The following TERT variants were observed in gnomAD, a reference collection of about 807,000 sequenced individuals.
TERT encodes telomerase catalytic subunit.
A neutral mutation model predicts 104.0 loss-of-function variants in TERT; 42 were observed. The observed-to-expected ratio is 0.40, with a 90% CI of 0.32 to 0.52. TERT has a LOEUF of 0.52. TERT is among the 20% of genes least tolerant of loss of function. The pLI is 0.43. For missense variants in TERT, 1,101 were observed against 1,610.3 expected (o/e 0.68, Z 5.41); for synonymous variants, 781 against 725.6 (o/e 1.08, Z -1.23).
rs985214725 is a variant in TERT, at chr5:1,292,224, C to T, written c.1573+1089G>A. Among the ~76,000 whole-genome samples the T allele has an allele frequency of 9.9e-5, 15 of 152,040 alleles. No homozygotes were observed. Among genetic ancestry groups the T allele is most frequent in the Non-Finnish European group, 8.8e-5 (6 of 68,016 alleles). On this transcript the variant is annotated intron_variant, in intron 2 of 15. Coordinates refer to ENST00000310581, the MANE Select transcript of TERT (RefSeq NM_198253.3). The surrounding 1 kb of genome is among the most constrained non-coding windows in gnomAD (Gnocchi z 5.5). The stretch of plus-strand genomic sequence containing the variant: ...GGAGTTTGTGGGGAGGGGGTGAAAT[C>T]GGGACTTCTTCTAGCTGCCACGGTA...
rs573817924 is a variant in TERT at position 1,294,764 on chromosome 5, G to T, written c.219+7C>A. On this transcript the variant is annotated splice_region_variant and intron_variant, in intron 1 of 15. Transcript: ENST00000310581. ...CCCAGCCGGACGCCGACCCCGGGGA[G>T]GCCCACCTGGCGGAAGGAGGGGGCG... 8 of 1,544,546 alleles carry T rather than the reference G, an allele frequency of 5.2e-6. No homozygotes were observed. The highest frequency in any genetic ancestry group is 5.2e-6 in the Non-Finnish European group (6 of 1,154,276).
At chr5:1,271,875 C>A (rs977451545) in intron 7 of TERT, among the ~76,000 whole-genome samples, 1 of 152,194 alleles carries the variant, frequency 6.6e-6, no homozygotes, top group African/African-American at 2.4e-5. Flanking sequence ...AGGGGGACAC[C>A]TTTCCTTTGG....
chr5:1,283,562 C>CG (rs1750222559), intron 2 of TERT, among the ~76,000 whole-genome samples: 2 of 103,756 alleles, frequency 1.9e-5, no homozygotes. Flanking sequence ...TCCGGACACC[C>CG]CACATCCAGC....
rs1356334572 is a variant in TERT, at chr5:1,268,924, T to G, written c.2469-291A>C. On this transcript the variant is annotated intron_variant, in intron 8 of 15. Transcript: ENST00000310581. This position sits in a 1 kb window ranked among gnomAD's most constrained non-coding sequence, Gnocchi z 5.5. ...CATTAAGGTTTCTTAAATCTTAGAG[T>G]TTATTCACAGAACCAGACACTTGAC... 6.6e-6 allele frequency among the ~76,000 whole-genome samples: 1 copy of G among 151,510 alleles called. No individual in the cohort carries two copies. Among genetic ancestry groups the G allele is most frequent in the East Asian group, 1.9e-4 (1 of 5,172 alleles).
rs970934345 is a variant in TERT at position 1,294,571 on chromosome 5, G to A, written c.315C>T (p.Asp105=). Residue 105 remains aspartate, a synonymous_variant, in exon 2 of 16, where the codon GAC becomes GAT. Coordinates refer to ENST00000310581, the MANE Select transcript of TERT (RefSeq NM_198253.3). ...NVLAFGFALL[D]GARGGPPEAF... ...CCTCGGGGGGGCCCCCGCGGGCCCCGTCCAGCAGCGCGAAGCCGAAGGCCA... is the reference window on the plus strand; with the variant it reads ...CCTCGGGGGGGCCCCCGCGGGCCCCATCCAGCAGCGCGAAGCCGAAGGCCA... 4.4e-6 allele frequency: 7 copies of A among 1,587,266 alleles called. No individual in the cohort carries two copies. The highest frequency in any genetic ancestry group is 6.0e-6 in the Non-Finnish European group (7 of 1,174,660).
rs540320493 is a variant in TERT at position 1,269,658 on chromosome 5, G to A, written c.2469-1025C>T. ...AAGAAAAGAGGCTTTCCTTGCTGGT[G>A]CAGATATCACAGTGATGGGCAAGAG... On this transcript the variant is annotated intron_variant, in intron 8 of 15. Transcript: ENST00000310581. This position sits in a 1 kb window ranked among gnomAD's most constrained non-coding sequence, Gnocchi z 9.0. Among the ~76,000 whole-genome samples, 14 of 152,020 alleles carry A rather than the reference G, an allele frequency of 9.2e-5. No homozygotes were observed. Among genetic ancestry groups the A allele is most frequent in the Non-Finnish European group, 1.8e-4 (12 of 68,006 alleles).
At chr5:1,291,614 C>T (rs1423746321) in intron 2 of TERT, among the ~76,000 whole-genome samples, 1 of 132,320 alleles carries the variant, frequency 7.6e-6, no homozygotes, top group Non-Finnish European at 1.7e-5. Context: ...GTGCCTCACT[C>T]ACCCTGCACG....
rs1178747333 is a variant in TERT, at chr5:1,270,103, C to T, written c.2468+1016G>A. Among the ~76,000 whole-genome samples, 2 of 152,184 alleles carry T rather than the reference C, an allele frequency of 1.3e-5. No individual in the cohort carries two copies. Among genetic ancestry groups the T allele is most frequent in the Non-Finnish European group, 2.9e-5 (2 of 68,026 alleles). ...TGTGGGCCTGGGGGCCGCTTACACA[C>T]ATGTGCACACGTGTCCCTCGGCCAA... On this transcript the variant is annotated intron_variant, in intron 8 of 15. Coordinates refer to ENST00000310581, the MANE Select transcript of TERT (RefSeq NM_198253.3). This position sits in a 1 kb window ranked among gnomAD's most constrained non-coding sequence, Gnocchi z 8.3.
At position 1,266,379 on chromosome 5, in the gene TERT, C is replaced by T. The variant is rs886489364; in HGVS notation, c.2654+85G>A. On this transcript the variant is annotated intron_variant, in intron 10 of 15. Coordinates refer to ENST00000310581, the MANE Select transcript of TERT (RefSeq NM_198253.3). ...AGAGGACTTGGCAGAGACAACGCTGCGGTGCCAGGGGCAGGACACGGGGGG... is the reference window on the plus strand; with the variant it reads ...AGAGGACTTGGCAGAGACAACGCTGTGGTGCCAGGGGCAGGACACGGGGGG... 48 of 1,181,558 alleles carry T rather than the reference C, an allele frequency of 4.1e-5. 1 individual carries two copies. The highest frequency in any genetic ancestry group is 2.5e-4 in the East Asian group (10 of 39,716). The allele number at this position is 1,181,558 out of a possible 1,614,324, so 73.2% of individuals were successfully genotyped here. A position where few individuals can be genotyped will look rare whatever the true frequency, so the allele number is the denominator to read the frequency against.
Position 1,294,029 on chromosome 5 carries a change from T to C in TERT, c.857A>G (p.Glu286Gly). The C allele has an allele frequency of 6.3e-7, 1 of 1,598,184 alleles. No homozygotes were observed. Among genetic ancestry groups the C allele is most frequent in the Non-Finnish European group, 8.5e-7 (1 of 1,174,182 alleles). ...ARPAEEATSL[E>G]GALSGTRHSH... ...GTGGCGCGTGCCAGAGAGCGCACCC[T>C]CCAAAGAGGTGGCTTCTTCGGCGGG... is the stretch of plus-strand genomic sequence containing the variant. The change falls in exon 2 of 16, where the codon GAG becomes GGG. Residue 286 changes from glutamate to glycine, a missense_variant. This residue lies in a region of TERT where 504 missense variants were observed against 544.6 expected (regional missense o/e 0.93). Transcript: ENST00000310581.
chr5:1,277,841 C>T (rs1374952794), intron 6 of TERT, among the ~76,000 whole-genome samples: 1 of 152,154 alleles, frequency 6.6e-6, no homozygotes, highest in Non-Finnish European at 1.5e-5. Flanking sequence ...ACCGAAGCTC[C>T]AGGGATACTT....
At position 1,268,428 on chromosome 5, in the gene TERT, A is replaced by T; in HGVS notation, c.2582+92T>A. ...TCTGGTTCCTCAAGACAGAGCAGTCATGGTCTCCAGAGCACCAGGAATATT... is the reference window on the plus strand; with the variant it reads ...TCTGGTTCCTCAAGACAGAGCAGTCTTGGTCTCCAGAGCACCAGGAATATT... On this transcript the variant is annotated intron_variant, in intron 9 of 15. Transcript: ENST00000310581. The surrounding 1 kb of genome is among the most constrained non-coding windows in gnomAD (Gnocchi z 5.5). 1 of 1,000,982 alleles carries T rather than the reference A, an allele frequency of 1.0e-6. No individual in the cohort carries two copies. Among genetic ancestry groups the T allele is most frequent in the Non-Finnish European group, 1.5e-6 (1 of 650,646 alleles). 62.0% of individuals were successfully genotyped at this position (1,000,982 alleles called of 1,614,324 possible).
At position 1,273,782 on chromosome 5, in the gene TERT, CTGTG is replaced by C. The variant is rs1361141000; in HGVS notation, c.2287-1506_2287-1503del. The stretch of plus-strand genomic sequence containing the variant: ...TCCACAGTCACCACACATCAGACCC[CTGTG>C]ACCAACCGCCATCCACAGTCACCAC... On this transcript the variant is annotated intron_variant, in intron 6 of 15. Coordinates refer to ENST00000310581, the MANE Select transcript of TERT (RefSeq NM_198253.3). Among the ~76,000 whole-genome samples, 199 of 20,648 alleles carry C rather than the reference CTGTG, an allele frequency of 9.6e-3. 75 individuals carry two copies. Among genetic ancestry groups the C allele is most frequent in the African/African-American group, 0.071 (154 of 2,174 alleles). 13.5% of individuals were successfully genotyped at this position (20,648 alleles called of 152,430 possible).
chr5:1,291,765 G>A (rs535998807), intron 2 of TERT, among the ~76,000 whole-genome samples: 127 of 152,182 alleles, frequency 8.3e-4, no homozygotes, highest in African/African-American at 2.6e-3. Context: ...AGGGACACCC[G>A]GGGACCACGC....
chr5:1,274,089 G>A lies in TERT; in HGVS notation c.2287-1809C>T, dbSNP rs953201190. ...GCAGGCACGTGACACACACTAACAC[G>A]GACACAGGAGGCCTCGAGCTTGTGA... On this transcript the variant is annotated intron_variant, in intron 6 of 15. Coordinates refer to ENST00000310581, the MANE Select transcript of TERT (RefSeq NM_198253.3). The surrounding 1 kb of genome is among the most constrained non-coding windows in gnomAD (Gnocchi z 5.3). Among the ~76,000 whole-genome samples the A allele has an allele frequency of 5.9e-5, 9 of 152,186 alleles. No homozygotes were observed. The highest frequency in any genetic ancestry group is 4.1e-4 in the South Asian group (2 of 4,826).
intron 6 of TERT, among the ~76,000 whole-genome samples, chr5:1,277,790 G>C (rs1021821946): frequency 1.1e-4 from 16 of 152,198 alleles, no homozygotes; most frequent in African/African-American, 3.9e-4. Flanking sequence ...AGAAGTCAGA[G>C]AAAGAGGTCC....
Position 1,262,053 on chromosome 5 carries a change from G to A in TERT, c.2844-1453C>T, listed in dbSNP as rs766393372. Among the ~76,000 whole-genome samples the A allele has an allele frequency of 9.2e-5, 14 of 152,272 alleles. No individual in the cohort carries two copies. Among genetic ancestry groups the A allele is most frequent in the African/African-American group, 2.6e-4 (11 of 41,560 alleles). On this transcript the variant is annotated intron_variant, in intron 11 of 15. Transcript: ENST00000310581. This position sits in a 1 kb window ranked among gnomAD's most constrained non-coding sequence, Gnocchi z 5.6. ...TTTCTCTGCAGTGAAAGCAATGCCC[G>A]TTGCCTCACTGGTTTCATCCGCCTC...
intron 11 of TERT, 67 bp downstream of exon 11, chr5:1,264,337 G>A (rs966246814): frequency 1.8e-5 from 27 of 1,507,806 alleles, no homozygotes; most frequent in African/African-American, 5.5e-5. Flanking sequence ...AGAGGTGGAC[G>A]CAACGGCCCT....
Position 1,294,951 on chromosome 5 carries a change from CAGGG to C in TERT, c.35_38del (p.Ser12CysfsTer65). 1 of 1,389,900 alleles carries C rather than the reference CAGGG, an allele frequency of 7.2e-7. No individual in the cohort carries two copies. Among genetic ancestry groups the C allele is most frequent in the Non-Finnish European group, 9.3e-7 (1 of 1,077,708 alleles). 86.1% of individuals were successfully genotyped at this position (1,389,900 alleles called of 1,614,324 possible). On this transcript the variant is annotated frameshift_variant, in exon 1 of 16. Transcript: ENST00000310581. LOFTEE classifies it high-confidence loss of function. ...GCACCTCGCGGTAGTGGCTGCGCAG[CAGGG>C]AGCGCACGGCTCGGCAGCGGGGAGC...
Sources: allele counts gnomAD v4.1 joint callset (sites outside exome capture counted in the v4.1 genomes callset), GRCh38; gene constraint gnomAD v4.1.1; regional missense constraint gnomAD v4.1.1; non-coding constraint Gnocchi (gnomAD v3.1); transcripts MANE v1.5; gene names NCBI Gene and HGNC (gene_info 2026-07-23, HGNC 2026-07-21).